STN1: variants seen among roughly 807,000 people sequenced by gnomAD.
STN1 encodes CST complex subunit STN1.
Under a neutral mutation model 45.5 loss-of-function variants are expected in STN1, and 29 were observed. The ratio of observed to expected loss-of-function variants is 0.64; its 90% confidence interval spans 0.47 to 0.87. The LOEUF is 0.87. Among genes scored for constraint, STN1 ranks in the 40% least tolerant of loss-of-function variants. The pLI is 0.00. For missense variants in STN1, 376 were observed against 441.4 expected, an observed-to-expected ratio of 0.85 and a Z score of 1.33; for synonymous variants, 148 against 159.0, an observed-to-expected ratio of 0.93 and a Z score of 0.52.
At position 103,900,073 on chromosome 10, in the gene STN1, G is replaced by A. The variant is rs758696465; in HGVS notation, c.446C>T (p.Ala149Val). 1 of 1,614,034 alleles carries A rather than the reference G, an allele frequency of 6.2e-7. No individual in the cohort carries two copies. ...RTYREEREIH[A>V]TTYYKVDDPV... Reference sequence around the variant, plus strand: ...TATCTTGTGCTTACAGTAAGTGGTGGCATGAATCTCTCGCTCTTCTCTGTA... The same window carrying A: ...TATCTTGTGCTTACAGTAAGTGGTGACATGAATCTCTCGCTCTTCTCTGTA... Residue 149 changes from alanine to valine, a missense_variant, in exon 5 of 10, where the codon GCC (alanine) becomes GTC (valine). Physicochemically the swap from Ala to Val is moderately conservative, Grantham distance 64 (BLOSUM62 0). Transcript: ENST00000224950.
chr10:103,889,206 C>T, intron 8 of STN1, 62 bp from the exon 9 acceptor site: 1 of 1,032,834 alleles, frequency 9.7e-7, no homozygotes, highest in South Asian at 1.3e-5. Context: ...TTGTGTCATC[C>T]AGACTTCCAA....
At chr10:103,899,048 T>C (rs1843190199) in intron 5 of STN1, 48 bp from the exon 6 acceptor site, 1 of 1,602,678 alleles carries the variant, frequency 6.2e-7, no homozygotes, top group Admixed American at 1.7e-5. Context: ...CAAATTACAT[T>C]GAGATCAATT....
chr10:103,879,919 G>A lies in STN1; in HGVS notation c.*2765C>T, dbSNP rs1843057192. Among the ~76,000 whole-genome samples, 2 of 152,236 alleles carry A rather than the reference G, an allele frequency of 1.3e-5. No homozygotes were observed. The highest frequency in any genetic ancestry group is 1.3e-4 in the Admixed American group (2 of 15,284). On this transcript the variant is annotated 3_prime_UTR_variant, in exon 10 of 10. Coordinates refer to ENST00000224950, the MANE Select transcript of STN1 (RefSeq NM_024928.5). ...TGGAGCTACCTCTTCCTGAATCAGG[G>A]ACATTTTCCAAAGGAGTGGCACAGG...
At position 103,917,487 on chromosome 10, in the gene STN1, G is replaced by A. The variant is rs1170286381; in HGVS notation, c.108C>T (p.Asp36=). 1 of 1,613,894 alleles carries A rather than the reference G, an allele frequency of 6.2e-7. No homozygotes were observed. The highest frequency in any genetic ancestry group is 8.5e-7 in the Non-Finnish European group (1 of 1,179,910). Residue 36 remains aspartate, a synonymous_variant, in exon 2 of 10, where the codon GAC becomes GAT. Transcript: ENST00000224950. ...CTGGCACCTGGCGGGACTCCTTCATGTCCAGGATATCCCTGATGTAGAGTT... is the reference window on the plus strand; with the variant it reads ...CTGGCACCTGGCGGGACTCCTTCATATCCAGGATATCCCTGATGTAGAGTT... ...FAKLYIRDIL[D]MKESRQVPGV...
rs765634171 is a variant in STN1 at position 103,898,986 on chromosome 10, G to A, written c.472C>T (p.Pro158Ser). ...CTTGCAATTTGAATGTTCCACACTGGGTCGTCCACTTTATCTAACAAGTGA... is the reference window on the plus strand; with the variant it reads ...CTTGCAATTTGAATGTTCCACACTGAGTCGTCCACTTTATCTAACAAGTGA... ...HATTYYKVDD[P>S]VWNIQIARML... Residue 158 changes from proline to serine, a missense_variant, in exon 6 of 10, where the codon CCA (proline) becomes TCA (serine). Physicochemically the swap from Pro to Ser is moderately conservative, Grantham distance 74. Transcript: ENST00000224950. 13 of 1,614,040 alleles carry A rather than the reference G, an allele frequency of 8.1e-6. No homozygotes were observed. Among genetic ancestry groups the A allele is most frequent in the Non-Finnish European group, 1.1e-5 (13 of 1,179,984 alleles).
chr10:103,898,139 T>C (rs1843183620), intron 6 of STN1, among the ~76,000 whole-genome samples: 1 of 152,176 alleles, frequency 6.6e-6, no homozygotes, highest in African/African-American at 2.4e-5. Context: ...AATTTTCACT[T>C]TTTATATGAG....
At chr10:103,903,776 T>G (rs1457777962) in intron 4 of STN1, among the ~76,000 whole-genome samples, 1 of 152,200 alleles carries the variant, frequency 6.6e-6, no homozygotes, top group Non-Finnish European at 1.5e-5. Flanking sequence ...CAAAACAGAT[T>G]AAGAAAAACA....
chr10:103,893,998 T>C lies in STN1; in HGVS notation c.754-1746A>G, dbSNP rs577499198. 5.3e-5 allele frequency among the ~76,000 whole-genome samples: 8 copies of C among 152,300 alleles called. No homozygotes were observed. In the South Asian group the frequency reaches 1.5e-3, roughly 28 times the overall value. On this transcript the variant is annotated intron_variant, in intron 7 of 9. Coordinates refer to ENST00000224950, the MANE Select transcript of STN1 (RefSeq NM_024928.5). ...ACAACTCCCACAGGCAGAAAACCTC[T>C]CTGGGTGTGTTTAGAATAAACACCA...
At chr10:103,899,171 C>T (rs1191354526) in intron 5 of STN1, among the ~76,000 whole-genome samples, 171 bp from the exon 6 acceptor site, 3 of 152,210 alleles carry the variant, frequency 2.0e-5, no homozygotes, top group Admixed American at 6.5e-5. Context: ...GGCTCCCAGT[C>T]ATCCTGCATG....
At chr10:103,915,422 G>A (rs187176356) in intron 2 of STN1, among the ~76,000 whole-genome samples, 13 of 152,044 alleles carry the variant, frequency 8.6e-5, no homozygotes, top group African/African-American at 1.4e-4. Context: ...CACCTGATTC[G>A]CATAAATTCA....
chr10:103,891,506 C>G (rs1039679426), intron 8 of STN1, among the ~76,000 whole-genome samples: 14 of 152,180 alleles, frequency 9.2e-5, no homozygotes, highest in African/African-American at 3.4e-4. Context: ...GTCAGGCATG[C>G]TGCTAAATAT....
intron 8 of STN1, among the ~76,000 whole-genome samples, chr10:103,889,695 C>CTTTT (rs58738841): frequency 3.3e-5 from 4 of 122,110 alleles, no homozygotes; most frequent in Non-Finnish European, 5.1e-5. Context: ...TTTCTTTTTC[C>CTTTT]TTTTTTTTTT....
intron 9 of STN1, among the ~76,000 whole-genome samples, chr10:103,887,232 G>C (rs1322768027): frequency 1.3e-5 from 2 of 152,214 alleles, no homozygotes; most frequent in African/African-American, 2.4e-5. Context: ...TTGACCTCTA[G>C]AAGGCAATGT....
At chr10:103,916,089 A>C (rs2134379499) in intron 2 of STN1, among the ~76,000 whole-genome samples, 1 of 152,326 alleles carries the variant, frequency 6.6e-6, no homozygotes, top group South Asian at 2.1e-4. Flanking sequence ...CCCCAGGTCT[A>C]AAAGTATCCA....
At chr10:103,883,258 C>T (rs1441049263) in intron 9 of STN1, among the ~76,000 whole-genome samples, 1 of 152,130 alleles carries the variant, frequency 6.6e-6, no homozygotes, top group Non-Finnish European at 1.5e-5. Context: ...GCTGCAGCCT[C>T]CGTATGCTTC....
chr10:103,888,967 T>G, intron 9 of STN1, 105 bp downstream of exon 9: 1 of 765,592 alleles, frequency 1.3e-6, no homozygotes, highest in Non-Finnish European at 2.3e-6. Flanking sequence ...TCCAAGTCAC[T>G]ACTGGGAAAA....
rs952479434 is a variant in STN1, at chr10:103,879,495, G to C, written c.*3189C>G. ...AAAGGCTGGAAAGAGGGCAGAGGGAGGCACTTCACATGGTTACCTGGGAAG... is the reference window on the plus strand; with the variant it reads ...AAAGGCTGGAAAGAGGGCAGAGGGACGCACTTCACATGGTTACCTGGGAAG... On this transcript the variant is annotated 3_prime_UTR_variant, in exon 10 of 10. Coordinates refer to ENST00000224950, the MANE Select transcript of STN1 (RefSeq NM_024928.5). 2.6e-5 allele frequency: 4 copies of C among 152,730 alleles called. No individual in the cohort carries two copies. The highest frequency in any genetic ancestry group is 2.9e-5 in the Non-Finnish European group (2 of 68,408). 9.5% of individuals were successfully genotyped at this position (152,730 alleles called of 1,614,324 possible).
rs1008514576 is a variant in STN1, at chr10:103,897,713, T to C, written c.588A>G (p.Pro196=). The change falls in exon 7 of 10, where the codon CCA becomes CCG. Residue 196 remains proline, a synonymous_variant. Coordinates refer to ENST00000224950, the MANE Select transcript of STN1 (RefSeq NM_024928.5). ...TGAGACTGGGGAGGTCCAGGGCGCC[T>C]GGATTGCTGCGGAGGGAAAGTTTTA... ...ALEKEEALSN[P]GALDLPSLTS... The C allele has an allele frequency of 3.7e-6, 6 of 1,613,912 alleles. No homozygotes were observed. The highest frequency in any genetic ancestry group is 5.1e-6 in the Non-Finnish European group (6 of 1,179,938).
rs1843055839 is a variant in STN1 at position 103,879,753 on chromosome 10, G to A, written c.*2931C>T. The A allele has an allele frequency of 6.5e-6, 1 of 153,352 alleles. No individual in the cohort carries two copies. Among genetic ancestry groups the A allele is most frequent in the African/African-American group, 2.4e-5 (1 of 41,482 alleles). The allele number at this position is 153,352 out of a possible 1,614,324, so 9.5% of individuals were successfully genotyped here. On this transcript the variant is annotated 3_prime_UTR_variant, in exon 10 of 10. Transcript: ENST00000224950. ...GAGGGGCCAGGGCGGAAGCAGAGAG[G>A]ACTGAGGAGGCCGGGGAGGAGGGTG...
Sources: gnomAD v4.1 joint callset for allele counts (sites outside exome capture counted in the v4.1 genomes callset) on GRCh38, gnomAD v4.1.1 for gene constraint, MANE v1.5 for transcripts, NCBI Gene and HGNC (gene_info 2026-07-23, HGNC 2026-07-21) for gene names.